Variants in DOCK2 observed in about 807,000 individuals in gnomAD.
DOCK2 encodes dedicator of cytokinesis protein 2.
DOCK2 carries 87 observed loss-of-function variants against 248.9 expected under a neutral mutation model. The ratio of observed to expected loss-of-function variants is 0.35; its 90% CI spans 0.29 to 0.42. DOCK2 has a LOEUF of 0.42. Ranked by LOEUF, DOCK2 falls within the 10% of genes least tolerant of loss-of-function variation. The probability of loss-of-function intolerance (pLI) is 1.00; values close to 1 mark genes in which losing one functional copy is unlikely to be tolerated. For missense variants in DOCK2, 1,747 were observed against 2,300.2 expected, an observed-to-expected ratio of 0.76 and a Z score of 4.92; for synonymous variants, 805 against 821.6, an observed-to-expected ratio of 0.98 and a Z score of 0.35.
At chr5:169,713,938 C>T in intron 17 of DOCK2, 90 bp from the exon 18 acceptor site, 2 of 1,420,706 alleles carry the variant, frequency 1.4e-6, no homozygotes, top group East Asian at 2.3e-5. Context: ...ACTCTCCCCA[C>T]TTCACAGTGT....
At chr5:169,976,566 G>C (rs758224999) in intron 27 of DOCK2, among the ~76,000 whole-genome samples, 4 of 152,068 alleles carry the variant, frequency 2.6e-5, no homozygotes, top group Non-Finnish European at 2.9e-5. Flanking sequence ...TACTTTAGAA[G>C]TTTTCAAGTG....
intron 27 of DOCK2, among the ~76,000 whole-genome samples, chr5:169,910,295 T>C (rs1265673968): frequency 6.6e-6 from 1 of 152,192 alleles, no homozygotes; most frequent in Non-Finnish European, 1.5e-5. Flanking sequence ...TACCACCGCA[T>C]GGAATATGTA....
intron 22 of DOCK2, among the ~76,000 whole-genome samples, chr5:169,746,684 G>T (rs1358477256): frequency 1.3e-5 from 2 of 152,278 alleles, no homozygotes; most frequent in Middle Eastern, 6.8e-3. Flanking sequence ...CTGGAGACTG[G>T]TTTTACATGA....
At chr5:170,023,158 C>A (rs1318257889) in intron 33 of DOCK2, among the ~76,000 whole-genome samples, 1 of 152,060 alleles carries the variant, frequency 6.6e-6, no homozygotes, top group African/African-American at 2.4e-5. Context: ...GTGTACCAGT[C>A]AGCATGGGGA....
rs1759685048 is a variant in DOCK2, at chr5:169,681,804, T to C, written c.531T>C (p.Asn177=). ...DEDGNILDPD[N]TSVISLFHAH... ...ACGGAAATATCTTGGACCCTGATAA[T>C]ACCAGTGTCATCAGCTTGTTCCATG... The change falls in exon 7 of 52, where the codon AAT becomes AAC. Residue 177 remains asparagine, a synonymous_variant. Transcript: ENST00000520908. 1 of 1,613,950 alleles carries C rather than the reference T, an allele frequency of 6.2e-7. No individual in the cohort carries two copies. The highest frequency in any genetic ancestry group is 8.5e-7 in the Non-Finnish European group (1 of 1,179,906).
chr5:169,973,809 A>AC (rs1460251460), intron 27 of DOCK2, among the ~76,000 whole-genome samples: 2 of 152,176 alleles, frequency 1.3e-5, no homozygotes, highest in Non-Finnish European at 1.5e-5. Flanking sequence ...AACTTTACCA[A>AC]TTGGTCTATC....
At chr5:169,820,460 A>G (rs998070653) in intron 26 of DOCK2, among the ~76,000 whole-genome samples, 8 of 152,236 alleles carry the variant, frequency 5.3e-5, no homozygotes, top group African/African-American at 1.9e-4. Context: ...TTTGCTGTTC[A>G]GCAATATTCA....
At chr5:169,981,002 G>A (rs1777919974) in intron 27 of DOCK2, among the ~76,000 whole-genome samples, 1 of 152,144 alleles carries the variant, frequency 6.6e-6, no homozygotes, top group African/African-American at 2.4e-5. Context: ...GGCAGGGAGA[G>A]CCAGCTTCCT....
chr5:169,902,776 G>A (rs1248194643), intron 27 of DOCK2, among the ~76,000 whole-genome samples: 1 of 152,166 alleles, frequency 6.6e-6, no homozygotes, highest in African/African-American at 2.4e-5. Flanking sequence ...CATTCTCCCA[G>A]AGCCCACAGA....
At chr5:169,674,581 C>A in intron 6 of DOCK2, 136 bp downstream of exon 6, 1 of 1,364,080 alleles carries the variant, frequency 7.3e-7, no homozygotes, top group Non-Finnish European at 9.9e-7. Flanking sequence ...TGACCAATGG[C>A]TGTGCTTGCG....
At chr5:169,684,968 G>A (rs188254533) in intron 8 of DOCK2, among the ~76,000 whole-genome samples, 148 of 152,326 alleles carry the variant, frequency 9.7e-4, no homozygotes, top group Non-Finnish European at 5.4e-4. Context: ...TTTCAAAATA[G>A]GAGCTAAGAA....
At chr5:169,754,037 A>C (rs751634282) in intron 23 of DOCK2, among the ~76,000 whole-genome samples, 3 of 152,164 alleles carry the variant, frequency 2.0e-5, no homozygotes, top group Non-Finnish European at 4.4e-5. Flanking sequence ...ACTGTGTATC[A>C]TTTCAAGACA....
intron 27 of DOCK2, among the ~76,000 whole-genome samples, chr5:169,859,858 C>T (rs1771085162): frequency 1.3e-5 from 2 of 152,068 alleles, no homozygotes; most frequent in African/African-American, 2.4e-5. Flanking sequence ...ATCTTTAATT[C>T]CCGGAGTGCT....
intron 20 of DOCK2, 53 bp from the exon 21 acceptor site, chr5:169,717,331 G>A: frequency 4.7e-6 from 7 of 1,484,648 alleles, no homozygotes; most frequent in Non-Finnish European, 6.6e-6. Flanking sequence ...GGTAAAGATG[G>A]CTTCCTGCCC....
chr5:170,041,581 A>G (rs1229153235), intron 37 of DOCK2, among the ~76,000 whole-genome samples: 1 of 152,226 alleles, frequency 6.6e-6, no homozygotes, highest in African/African-American at 2.4e-5. Context: ...AAAGAGTAAG[A>G]TAAGTGCAAC....
intron 26 of DOCK2, among the ~76,000 whole-genome samples, chr5:169,821,010 C>A (rs10043078): frequency 1 from 152,324 of 152,352 alleles, 76,148 homozygotes; most frequent in Middle Eastern, 1. Context: ...ACTGGAAGAA[C>A]GGGTATCTGT....
At chr5:169,689,915 T>C (rs1206377719) in intron 9 of DOCK2, among the ~76,000 whole-genome samples, 2 of 152,222 alleles carry the variant, frequency 1.3e-5, no homozygotes, top group African/African-American at 4.8e-5. Flanking sequence ...GTTATTTGGA[T>C]GATTTATTTC....
intron 26 of DOCK2, among the ~76,000 whole-genome samples, chr5:169,824,060 A>G (rs1768670316): frequency 6.6e-6 from 1 of 152,216 alleles, no homozygotes; most frequent in Non-Finnish European, 1.5e-5. Context: ...AATCCAACTT[A>G]CAAGGGATGT....
At chr5:170,016,232 T>C (rs1158300877) in intron 32 of DOCK2, among the ~76,000 whole-genome samples, 1 of 152,258 alleles carries the variant, frequency 6.6e-6, no homozygotes, top group African/African-American at 2.4e-5. Context: ...CCAGTGAAGT[T>C]CAGCTTCAAT....
Sources: gnomAD v4.1 joint callset for allele counts (sites outside exome capture counted in the v4.1 genomes callset) on GRCh38, gnomAD v4.1.1 for gene constraint, MANE v1.5 for transcripts, NCBI Gene and HGNC (gene_info 2026-07-23, HGNC 2026-07-21) for gene names.